The following QSOX1 variants were observed in gnomAD, a reference collection of about 807,000 sequenced individuals.
The protein encoded by QSOX1 is quiescin sulfhydryl oxidase 1.
Under a neutral mutation model 76.1 loss-of-function variants are expected in QSOX1, and 40 were observed. The observed-to-expected ratio is 0.53, with a 90% CI of 0.41 to 0.68. QSOX1 has a LOEUF of 0.68. QSOX1 is among the 30% of genes least tolerant of loss of function. QSOX1 has a pLI of 0.00. For synonymous variants in QSOX1, 392 were observed against 413.1 expected (o/e 0.95, Z 0.62); for missense variants, 931 against 974.3 (o/e 0.96, Z 0.59).
chr1:180,182,408 T>C, intron 6 of QSOX1, 89 bp downstream of exon 6: 3 of 1,519,938 alleles, frequency 2.0e-6, no homozygotes, highest in African/African-American at 1.4e-5. Flanking sequence ...CCTTTCACAG[T>C]GGCCAACATG....
At chr1:180,194,543 C>A in intron 11 of QSOX1, 151 bp downstream of exon 11, 2 of 711,930 alleles carry the variant, frequency 2.8e-6, no homozygotes, top group Non-Finnish European at 2.2e-6. Context: ...GTATCATCAG[C>A]CCCATTTTTG....
intron 2 of QSOX1, among the ~76,000 whole-genome samples, chr1:180,167,069 C>A (rs926657255): frequency 6.6e-6 from 1 of 152,250 alleles, no homozygotes; most frequent in African/African-American, 2.4e-5. Flanking sequence ...TTGTCACCCC[C>A]GCTCTGGTGG....
In QSOX1 at chr1:180,194,320, C is replaced by T. The variant is rs746254561; in HGVS notation, c.1396C>T (p.Arg466Trp). The T allele has an allele frequency of 1.1e-5, 18 of 1,609,870 alleles. No homozygotes were observed. Among genetic ancestry groups the T allele is most frequent in the South Asian group, 5.5e-5 (5 of 90,694 alleles). Residue 466 changes from arginine (R) to tryptophan (W), a missense_variant, in exon 11 of 12, where the codon CGG (arginine) becomes TGG (tryptophan). Arg to Trp is a moderately radical substitution (Grantham distance 101). Coordinates refer to ENST00000367602, the MANE Select transcript of QSOX1 (RefSeq NM_002826.5). ...GCAGATGGCTGCTGCCTCCATGCAC[C>T]GGGTGGGGAGTCCCAACGCCGCTGT... ...FEQMAAASMH[R>W]VGSPNAAVLW...
chr1:180,182,753 G>A (rs1382959889), intron 6 of QSOX1, among the ~76,000 whole-genome samples: 2 of 152,202 alleles, frequency 1.3e-5, no homozygotes, highest in East Asian at 1.9e-4. Flanking sequence ...CCAAAATGCC[G>A]AGAGAAAACA....
intron 1 of QSOX1, among the ~76,000 whole-genome samples, chr1:180,165,360 G>A (rs1315160097): frequency 6.6e-6 from 1 of 152,190 alleles, no homozygotes; most frequent in Non-Finnish European, 1.5e-5. Flanking sequence ...CAGCTGCCAT[G>A]GACGTCATCC....
chr1:180,157,972 A>C (rs6425611), intron 1 of QSOX1, among the ~76,000 whole-genome samples: 42,607 of 152,114 alleles, frequency 0.28, 8,107 homozygotes, highest in African/African-American at 0.54. Flanking sequence ...TAATCTGATC[A>C]CCAGAGGCCT....
intron 1 of QSOX1, among the ~76,000 whole-genome samples, chr1:180,162,791 A>G (rs1332586318): frequency 3.9e-5 from 6 of 152,238 alleles, no homozygotes; most frequent in Non-Finnish European, 7.3e-5. Flanking sequence ...AAATAGGATC[A>G]CAGGTCACTG....
At chr1:180,178,950 C>A in intron 5 of QSOX1, 66 bp downstream of exon 5, 1 of 1,443,504 alleles carries the variant, frequency 6.9e-7, no homozygotes, top group Non-Finnish European at 9.7e-7. Flanking sequence ...AGTTTGGGAG[C>A]AGGGCTTTTC....
chr1:180,200,794 C>G lies in QSOX1; in HGVS notation c.*3757C>G, dbSNP rs1440656374. The G allele has an allele frequency of 1.3e-5, 2 of 152,204 alleles. No individual in the cohort carries two copies. The highest frequency in any genetic ancestry group is 1.9e-4 in the East Asian group (1 of 5,194). 9.4% of individuals were successfully genotyped at this position (152,204 alleles called of 1,614,324 possible). ...TCAACCCTGGAGCTGCAGTCTCTAC[C>G]CCTTCTAACACATGTGATTCTGTTT... On this transcript the variant is annotated 3_prime_UTR_variant, in exon 12 of 12. Transcript: ENST00000367602.
chr1:180,155,766 C>T (rs1455305358), intron 1 of QSOX1, among the ~76,000 whole-genome samples: 2 of 152,168 alleles, frequency 1.3e-5, no homozygotes, highest in African/African-American at 2.4e-5. Context: ...ATCTCTGTTC[C>T]GGGCCTCTCC....
Position 180,194,537 on chromosome 1 carries a change from C to T in QSOX1, c.1468+145C>T, listed in dbSNP as rs76094030. 9.4e-4 allele frequency: 676 copies of T among 720,726 alleles called. 6 individuals are homozygous for T. The African/African-American group carries it at 0.011, about 12-fold the overall frequency. 44.6% of individuals were successfully genotyped at this position (720,726 alleles called of 1,614,324 possible). A position where few individuals can be genotyped will look rare whatever the true frequency, so the allele number is the denominator to read the frequency against. On this transcript the variant is annotated intron_variant, in intron 11 of 11. Coordinates refer to ENST00000367602, the MANE Select transcript of QSOX1 (RefSeq NM_002826.5). The stretch of plus-strand genomic sequence containing the variant: ...CAGGCCTGTTAACCAATGCCAGTAT[C>T]ATCAGCCCCATTTTTGACATGAGGA...
chr1:180,164,306 G>T (rs1046538857), intron 1 of QSOX1, among the ~76,000 whole-genome samples: 1 of 152,124 alleles, frequency 6.6e-6, no homozygotes, highest in African/African-American at 2.4e-5. Context: ...GTGGTGGGGG[G>T]GTGTTGAGGA....
At chr1:180,176,262 G>A (rs534598523) in intron 4 of QSOX1, among the ~76,000 whole-genome samples, 1 of 152,306 alleles carries the variant, frequency 6.6e-6, no homozygotes, top group African/African-American at 2.4e-5. Flanking sequence ...CTGTTTTTCT[G>A]GGGCTGACTG....
At chr1:180,167,752 C>T (rs558599382) in intron 2 of QSOX1, among the ~76,000 whole-genome samples, 4 of 152,180 alleles carry the variant, frequency 2.6e-5, no homozygotes, top group South Asian at 2.1e-4. Context: ...CAGCTACTGC[C>T]GTGTCATTGA....
In QSOX1 at chr1:180,197,270, C is replaced by T; in HGVS notation, c.*233C>T. The T allele has an allele frequency of 6.2e-7, 1 of 1,612,638 alleles. No individual in the cohort carries two copies. Among genetic ancestry groups the T allele is most frequent in the Middle Eastern group, 1.7e-4 (1 of 6,058 alleles). On this transcript the variant is annotated 3_prime_UTR_variant, in exon 12 of 12. Coordinates refer to ENST00000367602, the MANE Select transcript of QSOX1 (RefSeq NM_002826.5). ...CCCCTGCTGTGCAGGGAGGGCAGCC[C>T]CGGGCAGTGGGCATAGGGCAGCTCA...
intron 2 of QSOX1, among the ~76,000 whole-genome samples, chr1:180,171,088 C>T (rs1662748683): frequency 6.6e-6 from 1 of 152,154 alleles, no homozygotes; most frequent in South Asian, 2.1e-4. Flanking sequence ...GCAAAATGTT[C>T]AGACCAGAAC....
chr1:180,156,829 AG>A (rs1289408877), intron 1 of QSOX1, among the ~76,000 whole-genome samples: 1 of 152,180 alleles, frequency 6.6e-6, no homozygotes, highest in Non-Finnish European at 1.5e-5. Context: ...AGGTAATCTC[AG>A]GGGACATTGT....
At chr1:180,169,853 T>A (rs3753804) in intron 2 of QSOX1, among the ~76,000 whole-genome samples, 140,035 of 152,316 alleles carry the variant, frequency 0.92, 64,634 homozygotes, top group Non-Finnish European at 0.96. Flanking sequence ...GTACCCAGGG[T>A]ATGCCACAGG....
At chr1:180,155,818 TTC>T (rs1187538092) in intron 1 of QSOX1, among the ~76,000 whole-genome samples, 2 of 152,202 alleles carry the variant, frequency 1.3e-5, no homozygotes, top group Admixed American at 1.3e-4. Flanking sequence ...GGCCACATCC[TTC>T]TCTCTCTTCC....
Sources: allele counts gnomAD v4.1 joint callset (sites outside exome capture counted in the v4.1 genomes callset), GRCh38; gene constraint gnomAD v4.1.1; transcripts MANE v1.5; gene names NCBI Gene and HGNC (gene_info 2026-07-23, HGNC 2026-07-21).